The following DMD variants were observed in gnomAD, a reference collection of about 807,000 sequenced individuals.
DMD encodes the protein dystrophin, also known as mutant dystrophin.
DMD carries 63 observed loss-of-function variants against 330.1 expected under a neutral mutation model. That is an observed-to-expected ratio of 0.19 (90% CI 0.16 to 0.24). The LOEUF is 0.24. Ranked by LOEUF, DMD falls within the 10% of genes least tolerant of loss-of-function variation. The pLI is 1.00. For synonymous variants in DMD, 1,223 were observed against 959.8 expected (o/e 1.27, Z -5.07); for missense variants, 3,344 against 2,684.1 (o/e 1.25, Z -5.43).
chrX:31,417,506 G>A (rs1403352190), intron 60 of DMD, among the ~76,000 whole-genome samples: 1 of 109,351 alleles, frequency 9.1e-6, no homozygotes, highest in Non-Finnish European at 1.9e-5. Context: ...GGCCAGGATG[G>A]CACCAAGCCT....
At chrX:33,227,304 A>G (rs2052308977) in intron 1 of DMD, among the ~76,000 whole-genome samples, 1 of 111,097 alleles carries the variant, frequency 9.0e-6, no homozygotes, top group Non-Finnish European at 1.9e-5. Context: ...TTCTTTCTTT[A>G]AAAAAGCAAA....
intron 43 of DMD, among the ~76,000 whole-genome samples, chrX:32,233,460 G>A (rs1265618930): frequency 2.7e-5 from 3 of 110,841 alleles, no homozygotes; most frequent in Non-Finnish European, 5.7e-5. Context: ...CATTTATGCA[G>A]AAGTAGTTTA....
At chrX:31,421,900 TAC>T (rs201760249) in intron 60 of DMD, among the ~76,000 whole-genome samples, 7 of 85,180 alleles carry the variant, frequency 8.2e-5, no homozygotes, top group Non-Finnish European at 8.6e-5. Flanking sequence ...TATATATATA[TAC>T]ACACACACAC....
intron 63 of DMD, among the ~76,000 whole-genome samples, chrX:31,243,399 T>G (rs192429387): frequency 1.8e-5 from 2 of 111,851 alleles, no homozygotes; most frequent in African/African-American, 6.5e-5. Flanking sequence ...TGAAAAAAAA[T>G]TAAACTGTAC....
chrX:32,604,434 G>A (rs1024594974), intron 12 of DMD, among the ~76,000 whole-genome samples: 2 of 109,565 alleles, frequency 1.8e-5, no homozygotes, highest in East Asian at 5.7e-4. Flanking sequence ...CAAACCAAGA[G>A]CCAACATCAT....
chrX:32,642,773 G>A (rs1455841357), intron 11 of DMD, among the ~76,000 whole-genome samples: 1 of 111,253 alleles, frequency 9.0e-6, no homozygotes, highest in Non-Finnish European at 1.9e-5. Context: ...TTGAAAATGG[G>A]GAGTGTAAGA....
intron 12 of DMD, among the ~76,000 whole-genome samples, chrX:32,596,930 C>G (rs906154472): frequency 4.5e-5 from 5 of 111,240 alleles, no homozygotes; most frequent in Non-Finnish European, 7.5e-5. Flanking sequence ...TTATAAAAAC[C>G]AATAGATTTC....
At chrX:31,646,669 T>C (rs752566841) in intron 54 of DMD, among the ~76,000 whole-genome samples, 9 of 111,603 alleles carry the variant, frequency 8.1e-5, no homozygotes, top group African/African-American at 2.6e-4. Flanking sequence ...CCTTCAGCTG[T>C]AGGTAACAAT....
intron 44 of DMD, among the ~76,000 whole-genome samples, chrX:32,210,534 T>G (rs1281338159): frequency 1.8e-5 from 2 of 111,903 alleles, no homozygotes; most frequent in African/African-American, 6.5e-5. Context: ...ATGTAAAAAC[T>G]GACTATACAG....
At chrX:31,297,236 C>T (rs890029223) in intron 62 of DMD, among the ~76,000 whole-genome samples, 13 of 110,111 alleles carry the variant, frequency 1.2e-4, no homozygotes, top group Non-Finnish European at 2.5e-4. Flanking sequence ...TAAACTAAAC[C>T]TTGTCTGATG....
intron 1 of DMD, chrX:33,041,321 C>G: frequency 1.8e-6 from 2 of 1,092,306 alleles, no homozygotes; most frequent in Non-Finnish European, 2.5e-6. Flanking sequence ...GCCTAAATAG[C>G]TACCGCCTCT....
chrX:32,400,057 C>T (rs1029695916), intron 30 of DMD, among the ~76,000 whole-genome samples: 6 of 111,287 alleles, frequency 5.4e-5, no homozygotes, highest in African/African-American at 9.8e-5. Context: ...GGAATGCTTC[C>T]GGTTTTTGCC....
At chrX:32,455,247 A>C (rs1212626510) in intron 25 of DMD, among the ~76,000 whole-genome samples, 2 of 111,615 alleles carry the variant, frequency 1.8e-5, no homozygotes, top group African/African-American at 6.5e-5. Context: ...CTTCATAATC[A>C]TGTATCTACA....
At chrX:31,736,674 T>C (rs981603065) in intron 51 of DMD, among the ~76,000 whole-genome samples, 2 of 111,847 alleles carry the variant, frequency 1.8e-5, no homozygotes, top group African/African-American at 3.2e-5. Flanking sequence ...AGCAAACAAA[T>C]ACTCATAAAC....
At chrX:32,674,949 A>T (rs1475868420) in intron 9 of DMD, among the ~76,000 whole-genome samples, 3 of 111,702 alleles carry the variant, frequency 2.7e-5, no homozygotes, top group Non-Finnish European at 5.7e-5. Context: ...AATACAGGAT[A>T]TAATAGACTT....
chrX:32,895,680 C>A (rs918590443), intron 2 of DMD, among the ~76,000 whole-genome samples: 6 of 111,552 alleles, frequency 5.4e-5, no homozygotes, highest in African/African-American at 1.3e-4. Context: ...ATACAAGAAA[C>A]CTTGAGGCTT....
intron 44 of DMD, among the ~76,000 whole-genome samples, chrX:32,159,570 T>G (rs962481449): frequency 2.7e-5 from 3 of 111,774 alleles, no homozygotes; most frequent in African/African-American, 9.8e-5. Context: ...GTATAATACA[T>G]GAGAGTGACA....
chrX:32,869,084 A>T (rs1457312751), intron 2 of DMD, among the ~76,000 whole-genome samples: 1 of 111,565 alleles, frequency 9.0e-6, no homozygotes, highest in Non-Finnish European at 1.9e-5. Context: ...CAGCCTCCTT[A>T]GGTGACATTT....
At chrX:32,809,803 T>G (rs2077210015) in intron 6 of DMD, among the ~76,000 whole-genome samples, 192 bp from the exon 7 acceptor site, 1 of 107,611 alleles carries the variant, frequency 9.3e-6, no homozygotes, top group Non-Finnish European at 1.9e-5. Flanking sequence ...AAGATCTCAT[T>G]GGGTGTGGTG....
Sources: gnomAD v4.1 joint callset for allele counts (sites outside exome capture counted in the v4.1 genomes callset) on GRCh38, gnomAD v4.1.1 for gene constraint, MANE v1.5 for transcripts, NCBI Gene and HGNC (gene_info 2026-07-23, HGNC 2026-07-21) for gene names.